R3HDM2: variants seen among roughly 807,000 people sequenced by gnomAD.
The protein encoded by R3HDM2 is R3H domain containing 2.
In R3HDM2, 38 loss-of-function variants were observed where a neutral mutation model predicts 124.5. That is an observed-to-expected ratio of 0.31 (90% confidence interval 0.24 to 0.40). The LOEUF is 0.40. Among genes scored for constraint, R3HDM2 ranks in the 10% least tolerant of loss-of-function variants. The probability of loss-of-function intolerance (pLI) is 1.00; values close to 1 mark genes in which losing one functional copy is unlikely to be tolerated. For missense variants in R3HDM2, 869 were observed against 1,236.9 expected (o/e 0.70, Z 4.46); for synonymous variants, 391 against 448.0 (o/e 0.87, Z 1.61).
In R3HDM2 at chr12:57,256,484, TG is replaced by T; in HGVS notation, c.2476del (p.Gln826SerfsTer29). 1 of 1,594,846 alleles carries T rather than the reference TG, an allele frequency of 6.3e-7. No individual in the cohort carries two copies. The highest frequency in any genetic ancestry group is 8.5e-7 in the Non-Finnish European group (1 of 1,170,318). ...GATGGACAGATTGTACTGTAATGGCTGGCCCAAAAGGGAGTAGCGCCCATCA... is the reference window on the plus strand; with the variant it reads ...GATGGACAGATTGTACTGTAATGGCTGCCCAAAAGGGAGTAGCGCCCATCA... The part of the protein sequence containing the change: ...QGDGRYSLLG[Q>X]PLQYNLSICP... On this transcript the variant is annotated frameshift_variant, in exon 22 of 24. Transcript: ENST00000402412. LOFTEE classifies it high-confidence loss of function.
intron 10 of R3HDM2, among the ~76,000 whole-genome samples, chr12:57,293,620 T>C (rs1293896964): frequency 6.6e-6 from 1 of 152,154 alleles, no homozygotes; most frequent in Non-Finnish European, 1.5e-5. Context: ...AGTGTCCTTA[T>C]CCATCCTGCT....
intron 18 of R3HDM2, among the ~76,000 whole-genome samples, chr12:57,267,702 C>T (rs900472902): frequency 8.5e-5 from 13 of 152,100 alleles, no homozygotes; most frequent in Non-Finnish European, 1.5e-4. Context: ...TACAGAAACA[C>T]GTGGAGTTGC....
chr12:57,400,192 A>G (rs956262471), intron 1 of R3HDM2, among the ~76,000 whole-genome samples: 2 of 152,202 alleles, frequency 1.3e-5, no homozygotes, highest in Non-Finnish European at 1.5e-5. Flanking sequence ...CAAATGTCCA[A>G]CAATGATAGA....
chr12:57,277,949 A>G (rs2045233853), intron 14 of R3HDM2, among the ~76,000 whole-genome samples: 1 of 152,200 alleles, frequency 6.6e-6, no homozygotes, highest in Non-Finnish European at 1.5e-5. Context: ...GAAAGAAAGA[A>G]AATGGCAGTA....
intron 2 of R3HDM2, among the ~76,000 whole-genome samples, chr12:57,366,783 A>T (rs1270342584): frequency 6.6e-6 from 1 of 152,026 alleles, no homozygotes; most frequent in Non-Finnish European, 1.5e-5. Context: ...TCTGCCTCCC[A>T]GGTTCACGCC....
intron 2 of R3HDM2, among the ~76,000 whole-genome samples, chr12:57,377,746 G>C (rs2138197873): frequency 6.6e-6 from 1 of 152,182 alleles, no homozygotes; most frequent in East Asian, 1.9e-4. Flanking sequence ...TCCTAGATAA[G>C]TAATCACCTC....
chr12:57,298,587 A>G (rs918648930), intron 6 of R3HDM2, among the ~76,000 whole-genome samples: 3 of 151,986 alleles, frequency 2.0e-5, no homozygotes, highest in Non-Finnish European at 2.9e-5. Context: ...ATTTTTATGG[A>G]CTATGTCTTT....
In R3HDM2 at chr12:57,280,461, G is replaced by A; in HGVS notation, c.1241C>T (p.Pro414Leu). 1 of 1,614,128 alleles carries A rather than the reference G, an allele frequency of 6.2e-7. No individual in the cohort carries two copies. The highest frequency in any genetic ancestry group is 8.5e-7 in the Non-Finnish European group (1 of 1,179,980). The stretch of plus-strand genomic sequence containing the variant: ...CTGCTGTTGCTGCTGGGCAGTACAA[G>A]GGAGAAGCCCCCGGACAGACTGGGA... ...TSSQSVRGLLPCTAQQQQQQQ... is the reference protein window; with the variant it reads ...TSSQSVRGLLLCTAQQQQQQQ... Residue 414 changes from proline to leucine, a missense_variant, in exon 14 of 24, where the codon CCT becomes CTT. Transcript: ENST00000402412.
chr12:57,306,414 ATTT>A (rs34606531), intron 3 of R3HDM2, among the ~76,000 whole-genome samples: 4 of 149,380 alleles, frequency 2.7e-5, no homozygotes, highest in African/African-American at 2.5e-5. Context: ...CAAGTTGGCT[ATTT>A]TTTTTTTTTT....
chr12:57,420,358 A>C (rs2070068854), intron 1 of R3HDM2, among the ~76,000 whole-genome samples: 1 of 152,008 alleles, frequency 6.6e-6, no homozygotes, highest in Non-Finnish European at 1.5e-5. Flanking sequence ...CATCATTCTA[A>C]TGACCCTGCT....
intron 5 of R3HDM2, 37 bp downstream of exon 5, chr12:57,300,058 A>C: frequency 5.4e-6 from 8 of 1,467,970 alleles, no homozygotes; most frequent in South Asian, 2.4e-5. Context: ...ACAACTGCCA[A>C]GCGCAAAAGC....
At chr12:57,302,978 C>T (rs1226639799) in intron 4 of R3HDM2, among the ~76,000 whole-genome samples, 198 bp downstream of exon 4, 1 of 152,182 alleles carries the variant, frequency 6.6e-6, no homozygotes, top group Non-Finnish European at 1.5e-5. Context: ...TGTACGCCTA[C>T]ACAGTTTCCA....
chr12:57,426,677 C>T (rs955810783), intron 1 of R3HDM2, among the ~76,000 whole-genome samples: 23 of 152,126 alleles, frequency 1.5e-4, no homozygotes, highest in Non-Finnish European at 2.8e-4. Flanking sequence ...GATAAGACTA[C>T]CAATACCAAA....
chr12:57,286,809 C>T (rs922263069), intron 12 of R3HDM2, among the ~76,000 whole-genome samples: 16 of 151,680 alleles, frequency 1.1e-4, no homozygotes, highest in Admixed American at 7.9e-4. Context: ...ACCTGGGAGG[C>T]GGAGGTTGCG....
intron 2 of R3HDM2, among the ~76,000 whole-genome samples, chr12:57,381,292 G>A (rs765886963): frequency 2.6e-5 from 4 of 151,732 alleles, no homozygotes; most frequent in Non-Finnish European, 4.4e-5. Context: ...GGTGGCTCAC[G>A]CCTGTAATGC....
At chr12:57,289,701 C>T (rs968710611) in intron 11 of R3HDM2, among the ~76,000 whole-genome samples, 2 of 152,228 alleles carry the variant, frequency 1.3e-5, no homozygotes, top group Non-Finnish European at 2.9e-5. Context: ...CCAAGAGTGT[C>T]CAGCTGCTGA....
At chr12:57,256,855 G>A (rs562637189) in intron 21 of R3HDM2, among the ~76,000 whole-genome samples, 147 of 146,402 alleles carry the variant, frequency 1.0e-3, no homozygotes, top group Non-Finnish European at 1.4e-3. Flanking sequence ...AGTTTCACTC[G>A]CCACCCAGGC....
chr12:57,370,691 C>G (rs916569119), intron 2 of R3HDM2, among the ~76,000 whole-genome samples: 3 of 151,956 alleles, frequency 2.0e-5, no homozygotes, highest in Non-Finnish European at 4.4e-5. Flanking sequence ...ATTACCCAGT[C>G]TCAGGTAGTA....
chr12:57,266,932 A>C, intron 18 of R3HDM2, 101 bp from the exon 19 acceptor site: 1 of 833,292 alleles, frequency 1.2e-6, no homozygotes, highest in South Asian at 1.8e-5. Flanking sequence ...TGGGAAGGAG[A>C]GGCAACTTCA....
Sources: gnomAD v4.1 joint callset for allele counts (sites outside exome capture counted in the v4.1 genomes callset) on GRCh38, gnomAD v4.1.1 for gene constraint, MANE v1.5 for transcripts, NCBI Gene and HGNC (gene_info 2026-07-23, HGNC 2026-07-21) for gene names.